Variants in MYT1L observed in about 807,000 individuals in gnomAD.
MYT1L encodes myelin transcription factor 1 like.
A neutral mutation model predicts 126.7 loss-of-function variants in MYT1L; 12 were observed. The observed-to-expected ratio is 0.09, with a 90% CI of 0.06 to 0.15. The LOEUF is 0.15. Among genes scored for constraint, MYT1L ranks in the 10% least tolerant of loss-of-function variants. The pLI is 1.00. For missense variants in MYT1L, 979 were observed against 1,585.2 expected, an observed-to-expected ratio of 0.62 and a Z score of 6.49; for synonymous variants, 541 against 604.2, an observed-to-expected ratio of 0.90 and a Z score of 1.53.
intron 9 of MYT1L, among the ~76,000 whole-genome samples, chr2:1,936,942 T>C (rs1364685595): frequency 1.3e-5 from 2 of 152,160 alleles, no homozygotes; most frequent in African/African-American, 4.8e-5. Flanking sequence ...CCTGGGAACT[T>C]TACCATGAGA....
chr2:2,257,532 G>A (rs898154775), intron 2 of MYT1L, among the ~76,000 whole-genome samples: 1 of 152,160 alleles, frequency 6.6e-6, no homozygotes, highest in Non-Finnish European at 1.5e-5. Flanking sequence ...AAGTCCTGGA[G>A]CTCTAACGCA....
At chr2:2,254,087 T>C (rs2094739094) in intron 2 of MYT1L, among the ~76,000 whole-genome samples, 1 of 152,178 alleles carries the variant, frequency 6.6e-6, no homozygotes, top group African/African-American at 2.4e-5. Flanking sequence ...GGCCGTGGCG[T>C]TACTCACAGA....
chr2:1,835,192 A>G (rs6747366), intron 21 of MYT1L, among the ~76,000 whole-genome samples: 65,486 of 152,096 alleles, frequency 0.43, 14,817 homozygotes, highest in East Asian at 0.67. Context: ...TGAAAATACC[A>G]TATCTTGAAA....
chr2:2,291,888 A>G (rs2095605293), intron 1 of MYT1L, among the ~76,000 whole-genome samples: 1 of 152,238 alleles, frequency 6.6e-6, no homozygotes, highest in Admixed American at 6.5e-5. Flanking sequence ...TTCACAGCCT[A>G]GCTTTCTCTG....
intron 2 of MYT1L, among the ~76,000 whole-genome samples, chr2:2,208,774 C>G (rs1456762120): frequency 3.3e-5 from 5 of 152,006 alleles, no homozygotes; most frequent in Non-Finnish European, 7.4e-5. Context: ...TATCTTGATA[C>G]TTGCTTTTAG....
chr2:2,300,377 T>A (rs2095764397), intron 1 of MYT1L, among the ~76,000 whole-genome samples: 1 of 152,214 alleles, frequency 6.6e-6, no homozygotes, highest in Non-Finnish European at 1.5e-5. Flanking sequence ...CAGTATATTG[T>A]TTCTAATACT....
intron 2 of MYT1L, among the ~76,000 whole-genome samples, chr2:2,174,529 G>T (rs2090479310): frequency 6.6e-6 from 1 of 152,164 alleles, no homozygotes; most frequent in African/African-American, 2.4e-5. Flanking sequence ...CCACGTCCTT[G>T]TGAGACAGAG....
chr2:2,109,331 GC>G (rs2079103234), intron 3 of MYT1L, among the ~76,000 whole-genome samples: 1 of 152,154 alleles, frequency 6.6e-6, no homozygotes, highest in Non-Finnish European at 1.5e-5. Flanking sequence ...AGCGGATCCA[GC>G]CCCCTCCAGA....
chr2:2,314,587 A>G (rs139963107), intron 1 of MYT1L, among the ~76,000 whole-genome samples: 2,084 of 152,280 alleles, frequency 0.014, 37 homozygotes, highest in African/African-American at 0.039. Flanking sequence ...TCTGGGATAC[A>G]TGTGCAGGAT....
intron 1 of MYT1L, among the ~76,000 whole-genome samples, chr2:2,312,647 T>C (rs142179196): frequency 6.6e-6 from 1 of 152,244 alleles, no homozygotes; most frequent in Non-Finnish European, 1.5e-5. Flanking sequence ...AGTATTTTCA[T>C]CACTAGTAGC....
intron 13 of MYT1L, among the ~76,000 whole-genome samples, chr2:1,905,812 T>C (rs1285065771): frequency 6.6e-6 from 1 of 152,234 alleles, no homozygotes; most frequent in Non-Finnish European, 1.5e-5. Context: ...GGAAGGAAAC[T>C]CTTTGGCAAC....
intron 3 of MYT1L, among the ~76,000 whole-genome samples, chr2:2,062,149 A>G (rs1421258603): frequency 6.6e-6 from 1 of 152,244 alleles, no homozygotes; most frequent in Non-Finnish European, 1.5e-5. Context: ...TGGGCAATAC[A>G]TGAGATTATT....
intron 1 of MYT1L, among the ~76,000 whole-genome samples, chr2:2,284,910 T>C (rs896233596): frequency 1.3e-5 from 2 of 152,180 alleles, no homozygotes; most frequent in South Asian, 2.1e-4. Context: ...CATCATGTGC[T>C]ATGTTGGCCA....
intron 1 of MYT1L, among the ~76,000 whole-genome samples, chr2:2,304,289 G>A (rs1040549046): frequency 6.6e-6 from 1 of 152,180 alleles, no homozygotes; most frequent in Non-Finnish European, 1.5e-5. Flanking sequence ...TCATTAGCGA[G>A]TAGCCTGAAA....
At chr2:1,947,117 A>G (rs569347111) in intron 8 of MYT1L, among the ~76,000 whole-genome samples, 6 of 152,158 alleles carry the variant, frequency 3.9e-5, no homozygotes, top group East Asian at 3.9e-4. Context: ...ACAGATAACT[A>G]GGCCCACCGT....
intron 9 of MYT1L, among the ~76,000 whole-genome samples, chr2:1,933,234 G>A (rs2055269279): frequency 6.6e-6 from 1 of 151,090 alleles, no homozygotes; most frequent in Non-Finnish European, 1.5e-5. Context: ...ACCCAGGTGA[G>A]AGCTCAGAGA....
chr2:2,051,296 G>C (rs114445683), intron 4 of MYT1L, among the ~76,000 whole-genome samples: 1,966 of 152,246 alleles, frequency 0.013, 40 homozygotes, highest in African/African-American at 0.045. Flanking sequence ...GCCATTTCCA[G>C]ATTTATTCAT....
intron 23 of MYT1L, among the ~76,000 whole-genome samples, chr2:1,795,031 G>A (rs2033151342): frequency 1.3e-5 from 2 of 152,128 alleles, no homozygotes; most frequent in Non-Finnish European, 1.5e-5. Context: ...ATCCCCCGTG[G>A]CCCCTGAATC....
chr2:2,266,962 C>T (rs768408159), intron 2 of MYT1L, among the ~76,000 whole-genome samples: 12 of 152,150 alleles, frequency 7.9e-5, no homozygotes, highest in Non-Finnish European at 1.3e-4. Flanking sequence ...CGAGCGTCTT[C>T]GTTAGCAGCA....
Sources: gnomAD v4.1 joint callset for allele counts (sites outside exome capture counted in the v4.1 genomes callset) on GRCh38, gnomAD v4.1.1 for gene constraint, MANE v1.5 for transcripts, NCBI Gene and HGNC (gene_info 2026-07-23, HGNC 2026-07-21) for gene names.